Variants in LIN28B observed in about 807,000 individuals in gnomAD.
The protein encoded by LIN28B is protein lin-28 homolog B.
Under a neutral mutation model 21.9 loss-of-function variants are expected in LIN28B, and 5 were observed. That is an observed-to-expected ratio of 0.23 (90% CI 0.12 to 0.48). The LOEUF (loss-of-function observed/expected upper bound fraction) is 0.48, where lower values mean the gene tolerates loss of function less well. Ranked by LOEUF, LIN28B falls within the 20% of genes least tolerant of loss-of-function variation. The pLI, the probability that LIN28B is intolerant of heterozygous loss-of-function variation, is 0.98. For synonymous variants in LIN28B, 109 were observed against 111.3 expected (o/e 0.98, Z 0.13); for missense variants, 245 against 310.5 (o/e 0.79, Z 1.58).
chr6:105,077,682 C>T (rs1044797592), intron 3 of LIN28B, among the ~76,000 whole-genome samples: 2 of 152,174 alleles, frequency 1.3e-5, no homozygotes, highest in East Asian at 1.9e-4. Flanking sequence ...CATCATTGAA[C>T]TAGCATGAAC....
At position 104,949,402 on chromosome 6, in the gene LIN28B, TTCTTCC is replaced by T. The variant is rs1379372861; in HGVS notation, c.19-1055_19-1050del. Among the ~76,000 whole-genome samples the T allele has an allele frequency of 8.5e-5, 13 of 152,310 alleles. No homozygotes were observed. In the East Asian group the frequency reaches 2.5e-3, roughly 29 times the overall value. ...GAGGTTCACGTGCCTTTTGTTCACATTCTTCCTCTATTCTTTTCAAATCTAACTCGG... is the reference window on the plus strand; with the variant it reads ...GAGGTTCACGTGCCTTTTGTTCACATTCTATTCTTTTCAAATCTAACTCGG... On this transcript the variant is annotated intron_variant, in intron 2 of 5. Transcript: ENST00000635857.
intron 2 of LIN28B, among the ~76,000 whole-genome samples, chr6:104,969,236 G>A (rs1284927840): frequency 6.6e-6 from 1 of 152,046 alleles, no homozygotes; most frequent in African/African-American, 2.4e-5. Context: ...CTCAGTCTAA[G>A]GACACTTGGA....
intron 3 of LIN28B, among the ~76,000 whole-genome samples, chr6:105,055,882 C>T (rs1228696650): frequency 2.7e-5 from 4 of 150,024 alleles, no homozygotes; most frequent in Non-Finnish European, 4.4e-5. Context: ...GTCCTCCCAT[C>T]TCAGCCTCCT....
intron 2 of LIN28B, among the ~76,000 whole-genome samples, chr6:104,998,887 T>C (rs1198168261): frequency 6.6e-6 from 1 of 152,184 alleles, no homozygotes; most frequent in African/African-American, 2.4e-5. Flanking sequence ...AACTATATTT[T>C]TATTACTAGA....
chr6:105,033,305 CA>C (rs1454171872), intron 3 of LIN28B, among the ~76,000 whole-genome samples: 1 of 151,730 alleles, frequency 6.6e-6, no homozygotes, highest in East Asian at 1.9e-4. Flanking sequence ...TAACAAATTC[CA>C]AATATGATTT....
intron 2 of LIN28B, among the ~76,000 whole-genome samples, chr6:105,012,043 A>C (rs1162132032): frequency 6.6e-6 from 1 of 152,062 alleles, no homozygotes; most frequent in Non-Finnish European, 1.5e-5. Context: ...CTGTAATCCC[A>C]GCTACTCGGG....
upstream of LIN28B, chr6:104,957,021 G>A (rs542992823): frequency 1.2e-5 from 16 of 1,362,314 alleles, no homozygotes; most frequent in Admixed American, 2.7e-4. Context: ...AAGGATACGA[G>A]GTGAAATTAG....
intron 2 of LIN28B, among the ~76,000 whole-genome samples, chr6:104,982,220 A>G (rs1039230563): frequency 6.6e-6 from 1 of 151,956 alleles, no homozygotes. Context: ...AAGCTAAGGC[A>G]GGAGAATCGC....
chr6:105,052,918 T>G (rs1340142768), intron 3 of LIN28B, among the ~76,000 whole-genome samples: 1 of 152,072 alleles, frequency 6.6e-6, no homozygotes. Context: ...CTTTATTTAC[T>G]TTTGGTTTAT....
intron 2 of LIN28B, among the ~76,000 whole-genome samples, chr6:104,958,754 C>A (rs1317473174): frequency 1.3e-5 from 2 of 152,130 alleles, no homozygotes; most frequent in Non-Finnish European, 1.5e-5. Context: ...ATTATTTCAT[C>A]GCTGCCTGTC....
At chr6:104,999,620 A>C (rs1770680208) in intron 2 of LIN28B, among the ~76,000 whole-genome samples, 1 of 152,238 alleles carries the variant, frequency 6.6e-6, no homozygotes, top group South Asian at 2.1e-4. Context: ...AATGGCATGT[A>C]TATTGTGTAG....
intron 2 of LIN28B, among the ~76,000 whole-genome samples, chr6:105,014,107 G>C (rs1770979603): frequency 6.6e-6 from 1 of 151,910 alleles, no homozygotes; most frequent in African/African-American, 2.4e-5. Context: ...ACTTTCTGTA[G>C]CTTCTTAGTT....
intron 3 of LIN28B, among the ~76,000 whole-genome samples, chr6:105,048,864 C>G (rs188357437): frequency 2.3e-3 from 346 of 152,198 alleles, no homozygotes; most frequent in African/African-American, 7.5e-3. Flanking sequence ...GTGGTGATAT[C>G]CCCTGTATCA....
chr6:104,968,691 T>C (rs1252820680), intron 2 of LIN28B, among the ~76,000 whole-genome samples: 1 of 152,182 alleles, frequency 6.6e-6, no homozygotes, highest in Non-Finnish European at 1.5e-5. Flanking sequence ...TGGTGATCAT[T>C]TTCTTCCTTA....
chr6:104,993,349 G>A (rs1770533921), intron 2 of LIN28B, among the ~76,000 whole-genome samples: 4 of 152,076 alleles, frequency 2.6e-5, no homozygotes, highest in Admixed American at 2.6e-4. Context: ...AGGACCTGTA[G>A]TCTGAGCTAC....
At chr6:104,948,145 C>T (rs1320264781) in intron 2 of LIN28B, among the ~76,000 whole-genome samples, 4 of 152,106 alleles carry the variant, frequency 2.6e-5, no homozygotes, top group African/African-American at 9.7e-5. Context: ...ACGTAATGAA[C>T]TCTGTTAAAT....
intron 3 of LIN28B, among the ~76,000 whole-genome samples, chr6:105,057,255 T>C (rs1308917191): frequency 6.6e-6 from 1 of 152,212 alleles, no homozygotes; most frequent in African/African-American, 2.4e-5. Flanking sequence ...CCCCATCACC[T>C]ATTAAAGGAT....
In LIN28B at chr6:105,078,618, A is replaced by T; in HGVS notation, c.588A>T (p.Gly196=). ...PCTSTLPREV[G]GGHGCTSPPF... ...CTTCAACTCTCCCTCGAGAAGTGGG[A>T]GGCGGGCATGGCTGTACATCACCAC... The change falls in exon 4 of 4, where the codon GGA becomes GGT. Residue 196 remains glycine (G), a synonymous_variant. Coordinates refer to ENST00000345080, the MANE Select transcript of LIN28B (RefSeq NM_001004317.4). 6.2e-7 allele frequency: 1 copy of T among 1,614,140 alleles called. No homozygotes were observed.
At chr6:104,977,801 C>T (rs1443479424) in intron 2 of LIN28B, among the ~76,000 whole-genome samples, 1 of 152,162 alleles carries the variant, frequency 6.6e-6, no homozygotes, top group Non-Finnish European at 1.5e-5. Flanking sequence ...CTCCTGACCT[C>T]ATGATACCCC....
Sources: allele counts gnomAD v4.1 joint callset (sites outside exome capture counted in the v4.1 genomes callset), GRCh38; gene constraint gnomAD v4.1.1; transcripts MANE v1.5; gene names NCBI Gene and HGNC (gene_info 2026-07-23, HGNC 2026-07-21).